Variants in NBEA observed in about 807,000 individuals in gnomAD.
NBEA encodes lysosomal-trafficking regulator 2.
NBEA carries 44 observed loss-of-function variants against 343.4 expected under a neutral mutation model. That is an observed-to-expected ratio of 0.13 (90% confidence interval 0.10 to 0.16). The LOEUF is 0.16. Among genes scored for constraint, NBEA ranks in the 10% least tolerant of loss-of-function variants. The pLI, the probability that NBEA is intolerant of heterozygous loss-of-function variation, is 1.00. For synonymous variants in NBEA, 1,175 were observed against 1,238.7 expected (o/e 0.95, Z 1.08); for missense variants, 2,555 against 3,631.3 (o/e 0.70, Z 7.62).
At chr13:35,358,877 A>T (rs747140026) in intron 38 of NBEA, among the ~76,000 whole-genome samples, 1 of 152,210 alleles carries the variant, frequency 6.6e-6, no homozygotes, top group Non-Finnish European at 1.5e-5. Context: ...AAGTAAAAAG[A>T]TGAGTAGCGC....
At chr13:35,372,928 G>C (rs970581577) in intron 38 of NBEA, among the ~76,000 whole-genome samples, 2 of 152,156 alleles carry the variant, frequency 1.3e-5, no homozygotes, top group African/African-American at 2.4e-5. Context: ...TAGCTGCTTA[G>C]GCCTCAGGGG....
chr13:35,406,807 T>C (rs1333782812), intron 38 of NBEA, among the ~76,000 whole-genome samples: 1 of 152,180 alleles, frequency 6.6e-6, no homozygotes, highest in Non-Finnish European at 1.5e-5. Flanking sequence ...TTCTTTTAGC[T>C]GAAATTCAGA....
At chr13:35,470,557 G>A (rs776510133) in intron 40 of NBEA, among the ~76,000 whole-genome samples, 163 of 152,156 alleles carry the variant, frequency 1.1e-3, no homozygotes, top group Non-Finnish European at 2.0e-3. Context: ...TTTTAGCAAT[G>A]CCCAACAATG....
chr13:34,975,038 C>T (rs781432451), intron 1 of NBEA, among the ~76,000 whole-genome samples: 1 of 152,108 alleles, frequency 6.6e-6, no homozygotes, highest in Non-Finnish European at 1.5e-5. Flanking sequence ...GTCCTGTTAT[C>T]CACAATTTAC....
At position 35,157,082 on chromosome 13, in the gene NBEA, T is replaced by C; in HGVS notation, c.2656T>C (p.Leu886=). Residue 886 remains leucine, a synonymous_variant, in exon 21 of 59, where the codon TTA becomes CTA. Coordinates refer to ENST00000379939, the MANE Select transcript of NBEA (RefSeq NM_001385012.1). ...FSNSRENRRC[L]LQCSVWQDWM... Reference sequence around the variant, plus strand: ...ATCAAATTTTTTTCTCCCTAGATGCTTATTGCAGTGTTCAGTGTGGCAGGA... The same window carrying C: ...ATCAAATTTTTTTCTCCCTAGATGCCTATTGCAGTGTTCAGTGTGGCAGGA... 6.4e-7 allele frequency: 1 copy of C among 1,566,824 alleles called. No homozygotes were observed. Among genetic ancestry groups the C allele is most frequent in the South Asian group, 1.2e-5 (1 of 80,414 alleles).
chr13:35,080,096 T>C (rs965757169), intron 10 of NBEA, among the ~76,000 whole-genome samples: 2 of 152,162 alleles, frequency 1.3e-5, no homozygotes, highest in African/African-American at 4.8e-5. Flanking sequence ...ATTCTCCCTT[T>C]TCAATGGTTG....
At chr13:35,470,621 A>T (rs917795407) in intron 40 of NBEA, among the ~76,000 whole-genome samples, 2 of 152,180 alleles carry the variant, frequency 1.3e-5, no homozygotes, top group Non-Finnish European at 2.9e-5. Context: ...TGCCCCAAGC[A>T]AGAGTAAACC....
chr13:35,550,518 C>A lies in NBEA; in HGVS notation c.6627C>A (p.Phe2209Leu). Reference sequence around the variant, plus strand: ...AGGGACTTCACGGAAAATGGATGTTCAGCGAGATACGAGCTGTATTTTCAA... The same window carrying A: ...AGGGACTTCACGGAAAATGGATGTTAAGCGAGATACGAGCTGTATTTTCAA... ...YTEGLHGKWM[F>L]SEIRAVFSRR... Residue 2209 changes from phenylalanine to leucine, a missense_variant, in exon 42 of 59, where the codon TTC (phenylalanine) becomes TTA (leucine). By Grantham distance (22) the Phe-to-Leu change is conservative. This residue lies in a region of NBEA where 246 missense variants were observed against 313.7 expected (regional missense o/e 0.78). Coordinates refer to ENST00000379939, the MANE Select transcript of NBEA (RefSeq NM_001385012.1). 6.2e-7 allele frequency: 1 copy of A among 1,613,234 alleles called. No individual in the cohort carries two copies. The highest frequency in any genetic ancestry group is 1.1e-5 in the South Asian group (1 of 91,022).
intron 38 of NBEA, among the ~76,000 whole-genome samples, chr13:35,415,849 A>C (rs1452188475): frequency 6.6e-6 from 1 of 152,090 alleles, no homozygotes; most frequent in African/African-American, 2.4e-5. Context: ...CACGATACTG[A>C]TTCTTCCTAT....
At chr13:34,969,092 A>G (rs2059917380) in intron 1 of NBEA, among the ~76,000 whole-genome samples, 1 of 151,834 alleles carries the variant, frequency 6.6e-6, no homozygotes, top group African/African-American at 2.4e-5. Flanking sequence ...AATGCTGTTT[A>G]CCTTCTGTCG....
intron 40 of NBEA, among the ~76,000 whole-genome samples, chr13:35,469,683 A>C (rs1364189976): frequency 6.6e-6 from 1 of 152,162 alleles, no homozygotes; most frequent in East Asian, 1.9e-4. Flanking sequence ...GATTGGGATG[A>C]ATATATTTAC....
rs749948713 is a variant in NBEA, at chr13:35,606,506, A to G, written c.7377A>G (p.Glu2459=). Residue 2459 remains glutamate, a synonymous_variant, in exon 48 of 59, where the codon GAA becomes GAG. Coordinates refer to ENST00000379939, the MANE Select transcript of NBEA (RefSeq NM_001385012.1). ...ATAATCTTGGAGTCAGAGAAGATGA[A>G]GTAGTGGTAAATGATGTTGATCTTC... The part of the protein sequence containing the change: ...NGYNLGVRED[E]VVVNDVDLPP... The G allele has an allele frequency of 6.2e-7, 1 of 1,606,982 alleles. No homozygotes were observed. The highest frequency in any genetic ancestry group is 8.5e-7 in the Non-Finnish European group (1 of 1,175,654).
intron 34 of NBEA, among the ~76,000 whole-genome samples, chr13:35,263,842 A>G (rs1341046750): frequency 6.6e-6 from 1 of 151,990 alleles, no homozygotes; most frequent in Non-Finnish European, 1.5e-5. Flanking sequence ...ATCTCACACA[A>G]CCTACAGTGT....
At chr13:35,333,676 A>G (rs1027171813) in intron 36 of NBEA, among the ~76,000 whole-genome samples, 2 of 151,786 alleles carry the variant, frequency 1.3e-5, no homozygotes, top group African/African-American at 4.8e-5. Context: ...AACCACCCCT[A>G]CCTCTCTCCA....
intron 38 of NBEA, among the ~76,000 whole-genome samples, chr13:35,410,521 G>A (rs568650207): frequency 5.3e-5 from 8 of 152,216 alleles, no homozygotes; most frequent in Non-Finnish European, 1.2e-4. Flanking sequence ...TATATCAGAT[G>A]TAAGAGGGGA....
At chr13:35,619,784 C>G (rs2082899553) in intron 48 of NBEA, among the ~76,000 whole-genome samples, 1 of 152,178 alleles carries the variant, frequency 6.6e-6, no homozygotes, top group Non-Finnish European at 1.5e-5. Context: ...GTAAGACACC[C>G]TATCTCTTGG....
At chr13:35,311,730 C>T (rs541545018) in intron 36 of NBEA, among the ~76,000 whole-genome samples, 2 of 151,942 alleles carry the variant, frequency 1.3e-5, no homozygotes, top group Admixed American at 6.6e-5. Context: ...GGCAGGTGCC[C>T]GTAATCCCAG....
chr13:35,294,344 T>C (rs1233150061), intron 35 of NBEA, among the ~76,000 whole-genome samples: 1 of 151,692 alleles, frequency 6.6e-6, no homozygotes, highest in Non-Finnish European at 1.5e-5. Context: ...AAGAAAAAAA[T>C]ATACTTTTCT....
rs1425790502 is a variant in NBEA at position 35,195,798 on chromosome 13, A to G, written c.4928-66A>G. On this transcript the variant is annotated intron_variant, in intron 30 of 58. Transcript: ENST00000379939. ...TTTCTTTATTTGAATATATGAAAAC[A>G]TTTGATTAATAATACAAGATTTTTA... The G allele has an allele frequency of 2.9e-6, 4 of 1,377,696 alleles. No individual in the cohort carries two copies. The African/African-American group carries it at 4.4e-5, about 15-fold the overall frequency. The allele number at this position is 1,377,696 out of a possible 1,614,324, so 85.3% of individuals were successfully genotyped here.
Sources: allele counts gnomAD v4.1 joint callset (sites outside exome capture counted in the v4.1 genomes callset), GRCh38; gene constraint gnomAD v4.1.1; regional missense constraint gnomAD v4.1.1; transcripts MANE v1.5; gene names NCBI Gene and HGNC (gene_info 2026-07-23, HGNC 2026-07-21).